CTCFL: variants seen among roughly 807,000 people sequenced by gnomAD.
CTCFL encodes CCCTC-binding factor like.
CTCFL carries 36 observed loss-of-function variants against 67.4 expected under a neutral mutation model. The observed-to-expected ratio is 0.53, with a 90% CI of 0.41 to 0.71. The LOEUF (loss-of-function observed/expected upper bound fraction) is 0.71, where lower values mean the gene tolerates loss of function less well. CTCFL is among the 30% of genes least tolerant of loss of function. CTCFL has a pLI of 0.00. For missense variants in CTCFL, 786 were observed against 835.2 expected (o/e 0.94, Z 0.73); for synonymous variants, 324 against 302.3 (o/e 1.07, Z -0.75).
intron 8 of CTCFL, 95 bp downstream of exon 8, chr20:57,512,497 A>G: frequency 2.4e-6 from 3 of 1,260,660 alleles, no homozygotes; most frequent in Non-Finnish European, 3.4e-6. Flanking sequence ...TAAAAGCATG[A>G]CTTTTCTCAG....
intron 10 of CTCFL, among the ~76,000 whole-genome samples, chr20:57,501,411 G>A (rs2067908775): frequency 6.9e-6 from 1 of 144,624 alleles, no homozygotes; most frequent in African/African-American, 2.5e-5. Flanking sequence ...GGGACATAAA[G>A]CTGCTCATCT....
intron 7 of CTCFL, chr20:57,513,687 A>T (rs2068708336): frequency 2.5e-6 from 3 of 1,187,668 alleles, no homozygotes; most frequent in Non-Finnish European, 2.1e-6. Flanking sequence ...ATGAAAAATA[A>T]AAGTGAAGAC....
intron 5 of CTCFL, among the ~76,000 whole-genome samples, chr20:57,516,051 T>A (rs1183459326): frequency 1.3e-5 from 2 of 152,190 alleles, no homozygotes; most frequent in African/African-American, 4.8e-5. Flanking sequence ...TATAAGCTCC[T>A]TTAGGGAAAA....
intron 8 of CTCFL, among the ~76,000 whole-genome samples, chr20:57,510,660 G>A (rs1368966589): frequency 2.0e-5 from 3 of 152,114 alleles, no homozygotes; most frequent in Non-Finnish European, 2.9e-5. Context: ...TCAGGAGATC[G>A]AGACCATCCT....
chr20:57,515,859 G>A lies in CTCFL; in HGVS notation c.1060-25C>T, dbSNP rs531529402. Reference sequence around the variant, plus strand: ...CCTAATAAATACATAAATGATGTTCGTTGCAATAGAAACTAAAAAATGGCA... The same window carrying A: ...CCTAATAAATACATAAATGATGTTCATTGCAATAGAAACTAAAAAATGGCA... On this transcript the variant is annotated intron_variant, in intron 5 of 10. Transcript: ENST00000243914. 7.6e-6 allele frequency: 12 copies of A among 1,588,018 alleles called. No individual in the cohort carries two copies. The East Asian group carries it at 9.0e-5, about 12-fold the overall frequency.
chr20:57,497,797 G>C lies in CTCFL; in HGVS notation c.*753C>G. 1 of 985,168 alleles carries C rather than the reference G, an allele frequency of 1.0e-6. No individual in the cohort carries two copies. The highest frequency in any genetic ancestry group is 1.2e-6 in the Non-Finnish European group (1 of 829,724). The allele number at this position is 985,168 out of a possible 1,614,324, so 61.0% of individuals were successfully genotyped here. A position where few individuals can be genotyped will look rare whatever the true frequency, so the allele number is the denominator to read the frequency against. Reference sequence around the variant, plus strand: ...AGTGAAATACTAATAAGCAATAATGGAATGTAACCAGGGCAATTTCATACC... The same window carrying C: ...AGTGAAATACTAATAAGCAATAATGCAATGTAACCAGGGCAATTTCATACC... On this transcript the variant is annotated 3_prime_UTR_variant, in exon 11 of 11. Coordinates refer to ENST00000243914, the MANE Select transcript of CTCFL (RefSeq NM_001386993.1).
At position 57,523,709 on chromosome 20, in the gene CTCFL, T is replaced by C. The variant is rs1204327590; in HGVS notation, c.497A>G (p.Asp166Gly). Residue 166 changes from aspartate to glycine, a missense_variant, in exon 2 of 11, where the codon GAC becomes GGC. By Grantham distance (94) the Asp-to-Gly change is moderately conservative. Around this residue, in one of 3 missense-constraint regions of CTCFL, gnomAD observed 333 missense variants for 304.6 expected, o/e 1.09. Transcript: ENST00000243914. The part of the protein sequence containing the change: ...LEENVMVASE[D>G]SKLAVSLAET... ...AGCCAGGCTCACCGCTAACTTACTG[T>C]CTTCACTGGCCACCATCACATTCTC... The C allele has an allele frequency of 1.9e-6, 3 of 1,613,504 alleles. No individual in the cohort carries two copies. Among genetic ancestry groups the C allele is most frequent in the Non-Finnish European group, 2.5e-6 (3 of 1,180,006 alleles).
In CTCFL at chr20:57,498,532, A is replaced by C. The variant is rs2067762132; in HGVS notation, c.*18T>G. 1 of 1,604,110 alleles carries C rather than the reference A, an allele frequency of 6.2e-7. No individual in the cohort carries two copies. The highest frequency in any genetic ancestry group is 1.3e-5 in the African/African-American group (1 of 74,696). On this transcript the variant is annotated 3_prime_UTR_variant, in exon 11 of 11. Coordinates refer to ENST00000243914, the MANE Select transcript of CTCFL (RefSeq NM_001386993.1). ...GCTTTAGGAATTGGGGGCAGTGAAC[A>C]CGCAACCCGAATCCCTCTCACTTAT...
At chr20:57,520,920 T>C (rs2069306009) in intron 3 of CTCFL, among the ~76,000 whole-genome samples, 2 of 152,208 alleles carry the variant, frequency 1.3e-5, no homozygotes, top group Non-Finnish European at 2.9e-5. Flanking sequence ...CCAGTATGAC[T>C]GGTGTCCTTA....
At position 57,523,265 on chromosome 20, in the gene CTCFL, TGCTCTTCCTCGA is replaced by T; in HGVS notation, c.545_556del (p.Leu182_Glu185del). ...TTCAGCCAATAACTGGTTCTTCTCC[TGCTCTTCCTCGA>T]GCTAATAAACAACAAATATTCAAAT... On this transcript the variant is annotated inframe_deletion and splice_region_variant, in exon 3 of 11. Coordinates refer to ENST00000243914, the MANE Select transcript of CTCFL (RefSeq NM_001386993.1). 4 of 1,613,518 alleles carry T rather than the reference TGCTCTTCCTCGA, an allele frequency of 2.5e-6. No homozygotes were observed. Among genetic ancestry groups the T allele is most frequent in the Non-Finnish European group, 3.4e-6 (4 of 1,179,750 alleles).
intron 9 of CTCFL, among the ~76,000 whole-genome samples, chr20:57,505,219 T>A (rs1215133718): frequency 1.3e-5 from 2 of 151,858 alleles, no homozygotes; most frequent in African/African-American, 2.4e-5. Context: ...TATTTTTTTT[T>A]AATAATAGAA....
In CTCFL at chr20:57,498,322, A is replaced by G. The variant is rs918019196; in HGVS notation, c.*228T>C. The G allele has an allele frequency of 3.4e-5, 41 of 1,215,952 alleles. No individual in the cohort carries two copies. Among genetic ancestry groups the G allele is most frequent in the Admixed American group, 4.2e-5 (1 of 23,584 alleles). 75.3% of individuals were successfully genotyped at this position (1,215,952 alleles called of 1,614,324 possible). On this transcript the variant is annotated 3_prime_UTR_variant, in exon 11 of 11. Transcript: ENST00000243914. The stretch of plus-strand genomic sequence containing the variant: ...AATATCCAGCTACAAACAGGAGAAC[A>G]ATTCTAGACACTACCTCAAACTTGT...
At chr20:57,501,937 G>T (rs994203047) in intron 10 of CTCFL, among the ~76,000 whole-genome samples, 8 of 152,262 alleles carry the variant, frequency 5.3e-5, no homozygotes, top group African/African-American at 1.4e-4. Flanking sequence ...CCTGTCAGAT[G>T]GATGACAGTG....
intron 10 of CTCFL, among the ~76,000 whole-genome samples, chr20:57,502,159 C>A (rs555767005): frequency 6.6e-6 from 1 of 152,320 alleles, no homozygotes; most frequent in East Asian, 1.9e-4. Flanking sequence ...GTGACGCAGG[C>A]ATGGGAAAGG....
chr20:57,511,854 A>G (rs1255712459), intron 8 of CTCFL, among the ~76,000 whole-genome samples: 1 of 152,136 alleles, frequency 6.6e-6, no homozygotes, highest in Non-Finnish European at 1.5e-5. Context: ...CGGCCTCCCA[A>G]AGTGCTGGGA....
At chr20:57,502,723 A>G (rs890381804) in intron 10 of CTCFL, among the ~76,000 whole-genome samples, 1 of 152,190 alleles carries the variant, frequency 6.6e-6, no homozygotes, top group Non-Finnish European at 1.5e-5. Flanking sequence ...GCCCAGCTTC[A>G]GCCAACCTGG....
chr20:57,511,151 C>T (rs2068525027), intron 8 of CTCFL, among the ~76,000 whole-genome samples: 1 of 152,192 alleles, frequency 6.6e-6, no homozygotes, highest in Admixed American at 6.5e-5. Flanking sequence ...AAGTGATCCT[C>T]CAACCTTAGC....
chr20:57,514,261 C>T (rs1399389767), intron 7 of CTCFL, among the ~76,000 whole-genome samples: 1 of 152,176 alleles, frequency 6.6e-6, no homozygotes, highest in Non-Finnish European at 1.5e-5. Context: ...GTATGACTCC[C>T]AGGCAGGTTA....
At chr20:57,512,857 G>T in intron 7 of CTCFL, 105 bp from the exon 8 acceptor site, 1 of 1,067,740 alleles carries the variant, frequency 9.4e-7, no homozygotes, top group East Asian at 2.5e-5. Context: ...GCTGGAACAT[G>T]CTAGTTCCTT....
Sources: allele counts gnomAD v4.1 joint callset (sites outside exome capture counted in the v4.1 genomes callset), GRCh38; gene constraint gnomAD v4.1.1; regional missense constraint gnomAD v4.1.1; transcripts MANE v1.5; gene names NCBI Gene and HGNC (gene_info 2026-07-23, HGNC 2026-07-21).